ACOX1: variants seen among roughly 807,000 people sequenced by gnomAD.
The protein encoded by ACOX1 is acyl-CoA oxidase 1, also known as peroxisomal acyl-coenzyme A oxidase 1.
ACOX1 carries 41 observed loss-of-function variants against 75.5 expected under a neutral mutation model. The ratio of observed to expected loss-of-function variants is 0.54; its 90% CI spans 0.42 to 0.70. ACOX1 has a LOEUF of 0.70. ACOX1 is among the 30% of genes least tolerant of loss of function. The probability of loss-of-function intolerance (pLI) is 0.00; values close to 1 mark genes in which losing one functional copy is unlikely to be tolerated. For missense variants in ACOX1, 630 were observed against 837.5 expected, an observed-to-expected ratio of 0.75 and a Z score of 3.06; for synonymous variants, 303 against 298.8, an observed-to-expected ratio of 1.01 and a Z score of -0.15.
Position 75,978,512 on chromosome 17 carries a change from CTCTGT to C in ACOX1, c.269+17_269+21del. 3.1e-6 allele frequency: 5 copies of C among 1,614,156 alleles called. No homozygotes were observed. Among genetic ancestry groups the C allele is most frequent in the Non-Finnish European group, 4.2e-6 (5 of 1,180,012 alleles). On this transcript the variant is annotated intron_variant, in intron 2 of 13. Coordinates refer to ENST00000293217, the MANE Select transcript of ACOX1 (RefSeq NM_004035.7). This position sits in a 1 kb window ranked among gnomAD's most constrained non-coding sequence, Gnocchi z 4.2. ...TAAAGTTTAGGCTTAACAACACTTGCTCTGTTCTAAGGCATACCTACTTTTTAAAC... is the reference window on the plus strand; with the variant it reads ...TAAAGTTTAGGCTTAACAACACTTGCTCTAAGGCATACCTACTTTTTAAAC...
chr17:75,949,372 A>G lies in ACOX1; in HGVS notation c.1585-12T>C. 1 of 1,614,178 alleles carries G rather than the reference A, an allele frequency of 6.2e-7. No individual in the cohort carries two copies. Among genetic ancestry groups the G allele is most frequent in the Non-Finnish European group, 8.5e-7 (1 of 1,180,034 alleles). On this transcript the variant is annotated splice_polypyrimidine_tract_variant and intron_variant, in intron 11 of 13. Transcript: ENST00000293217. ...TAGTGGCAATGTGCCTAAGATTAAA[A>G]AGAAAACACCAGAGTTTGAGAACCT...
rs1555619951 is a variant in ACOX1 at position 75,975,070 on chromosome 17, A to AAAAG, written c.269+3460_269+3463dup. Among the ~76,000 whole-genome samples the AAAAG allele has an allele frequency of 5.7e-3, 833 of 145,020 alleles. 3 individuals are homozygous for AAAAG. The highest frequency in any genetic ancestry group is 0.014 in the East Asian group (66 of 4,640). On this transcript the variant is annotated intron_variant, in intron 2 of 13. Transcript: ENST00000293217. ...GTCTCCAAAAAAAAAAAAAAAAAAAAAAAGAAAGAAAGAAAGAAATAATAG... is the reference window on the plus strand; with the variant it reads ...GTCTCCAAAAAAAAAAAAAAAAAAAAAAAGAAAGAAAGAAAGAAAGAAATAATAG...
At position 75,949,728 on chromosome 17, in the gene ACOX1, G is replaced by C. The variant is rs143601596; in HGVS notation, c.1468C>G (p.Arg490Gly). The change falls in exon 10 of 14, where the codon CGT becomes GGT. Residue 490 changes from arginine to glycine, a missense_variant. Physicochemically the swap from Arg to Gly is moderately radical, Grantham distance 125. Around this residue, in one of 2 missense-constraint regions of ACOX1, gnomAD observed 240 missense variants for 262.7 expected, o/e 0.91. Transcript: ENST00000293217. ...PESLTEAYKL[R>G]AARLVEIAAK... ...TGAGGGAGAGCTCACCTGGCTGCACGGAGTTTATATGCTTCGGTTAGGCTT... is the reference window on the plus strand; with the variant it reads ...TGAGGGAGAGCTCACCTGGCTGCACCGAGTTTATATGCTTCGGTTAGGCTT... The C allele has an allele frequency of 5.2e-5, 84 of 1,614,130 alleles. No homozygotes were observed. In the African/African-American group the frequency reaches 9.5e-4, roughly 18 times the overall value.
chr17:75,958,697 A>G (rs1459477344), intron 3 of ACOX1, among the ~76,000 whole-genome samples: 1 of 151,298 alleles, frequency 6.6e-6, no homozygotes, highest in East Asian at 2.0e-4. Context: ...AGTCCCAGCT[A>G]CTCGGGAGGC....
rs9896719 is a variant in ACOX1 at position 75,958,591 on chromosome 17, A to G, written c.431-1025T>C. ...TGGGGGGCCAAGGCGGGCGGATCAC[A>G]AAGTCAGGAGATCGAGACCATCCTG... On this transcript the variant is annotated intron_variant, in intron 3 of 13. Coordinates refer to ENST00000293217, the MANE Select transcript of ACOX1 (RefSeq NM_004035.7). Among the ~76,000 whole-genome samples the G allele has an allele frequency of 3.7e-3, 544 of 146,740 alleles. 10 individuals are homozygous for G. Among genetic ancestry groups the G allele is most frequent in the South Asian group, 0.015 (74 of 4,780 alleles).
chr17:75,958,629 A>G (rs2065858733), intron 3 of ACOX1, among the ~76,000 whole-genome samples: 1 of 151,824 alleles, frequency 6.6e-6, no homozygotes, highest in Admixed American at 6.6e-5. Context: ...TAACACGGCG[A>G]AACCCCGTCT....
In ACOX1 at chr17:75,950,188, A is replaced by C. The variant is rs1191111143; in HGVS notation, c.1299-291T>G. 6.6e-6 allele frequency among the ~76,000 whole-genome samples: 1 copy of C among 151,694 alleles called. No individual in the cohort carries two copies. The highest frequency in any genetic ancestry group is 2.4e-5 in the African/African-American group (1 of 41,234). On this transcript the variant is annotated intron_variant, in intron 9 of 13. Transcript: ENST00000293217. The surrounding 1 kb of genome is among the most constrained non-coding windows in gnomAD (Gnocchi z 4.3). Reference sequence around the variant, plus strand: ...GCTGGTCTCTTAACTCCTGACCTCAAGTGATCTACCCGGCTTGGCGTCCCA... The same window carrying C: ...GCTGGTCTCTTAACTCCTGACCTCACGTGATCTACCCGGCTTGGCGTCCCA...
chr17:75,948,874 T>C (rs1335439143), intron 12 of ACOX1, among the ~76,000 whole-genome samples: 1 of 150,416 alleles, frequency 6.6e-6, no homozygotes, highest in Non-Finnish European at 1.5e-5. Flanking sequence ...TTTTTTTTTT[T>C]TTTGAGACAG....
At chr17:75,955,410 C>T (rs1223834856) in intron 6 of ACOX1, among the ~76,000 whole-genome samples, 156 bp downstream of exon 6, 1 of 151,464 alleles carries the variant, frequency 6.6e-6, no homozygotes, top group African/African-American at 2.4e-5. Flanking sequence ...GTCATCCACG[C>T]ACTCAGCCTC....
rs561945963 is a variant in ACOX1 at position 75,952,830 on chromosome 17, C to CAAA, written c.944+618_944+620dup. Among the ~76,000 whole-genome samples the CAAA allele has an allele frequency of 1.5e-3, 111 of 75,142 alleles. 1 individual carries two copies. Among genetic ancestry groups the CAAA allele is most frequent in the African/African-American group, 4.3e-3 (102 of 23,590 alleles). The allele number at this position is 75,142 out of a possible 152,430, so 49.3% of individuals were successfully genotyped here. On this transcript the variant is annotated intron_variant, in intron 7 of 13. Transcript: ENST00000293217. The stretch of plus-strand genomic sequence containing the variant: ...TGGGCAACAGAGTGAGAATCCATCT[C>CAAA]AAAAAAAAAAAAAAAAGAAAAGAAA...
chr17:75,952,650 C>T (rs1333067898), intron 7 of ACOX1, among the ~76,000 whole-genome samples: 1 of 151,406 alleles, frequency 6.6e-6, no homozygotes, highest in Non-Finnish European at 1.5e-5. Context: ...GCCAACATGG[C>T]GAAATTCCGT....
rs565509028 is a variant in ACOX1, at chr17:75,968,006, T to C, written c.270-7631A>G. ...CACCCACTTCGGCCTCCCAAAGTGC[T>C]GGGATTACAGGCGAGAGCCATTGCA... On this transcript the variant is annotated intron_variant, in intron 2 of 13. Transcript: ENST00000293217. Among the ~76,000 whole-genome samples the C allele has an allele frequency of 4.0e-5, 6 of 151,174 alleles. No homozygotes were observed. In the East Asian group the frequency reaches 1.2e-3, roughly 30 times the overall value.
At chr17:75,971,693 G>A (rs2144309715) in intron 2 of ACOX1, among the ~76,000 whole-genome samples, 1 of 147,356 alleles carries the variant, frequency 6.8e-6, no homozygotes, top group Non-Finnish European at 1.5e-5. Context: ...AGTGAGCTGA[G>A]ATCACTCCAC....
chr17:75,979,054 C>T lies in ACOX1; in HGVS notation c.20G>A (p.Arg7Lys). 1 of 1,612,192 alleles carries T rather than the reference C, an allele frequency of 6.2e-7. No homozygotes were observed. The highest frequency in any genetic ancestry group is 8.5e-7 in the Non-Finnish European group (1 of 1,179,998). Residue 7 changes from arginine to lysine, a missense_variant, in exon 1 of 14, where the codon AGG (arginine) becomes AAG (lysine). By Grantham distance (26) the Arg-to-Lys change is conservative. Transcript: ENST00000293217. MNPDLR[R>K]ERDSASFNPE... ...GTTGAAGCTGGCGGAATCCCGCTCCCTGCGCAGGTCCGGGTTCATGGCGAC... is the reference window on the plus strand; with the variant it reads ...GTTGAAGCTGGCGGAATCCCGCTCCTTGCGCAGGTCCGGGTTCATGGCGAC...
intron 2 of ACOX1, among the ~76,000 whole-genome samples, chr17:75,970,834 G>A (rs2065987395): frequency 6.6e-6 from 1 of 152,172 alleles, no homozygotes; most frequent in Non-Finnish European, 1.5e-5. Flanking sequence ...AAACCGTCAC[G>A]TGATGCAAAT....
At position 75,955,647 on chromosome 17, in the gene ACOX1, A is replaced by C; in HGVS notation, c.693T>G (p.Gly231=). The stretch of plus-strand genomic sequence containing the variant: ...GGTAGCCATTGTCTATCTCATCATA[A>C]CCAAATTTGGGGCCGATGTCACCAA... ...ITVGDIGPKF[G]YDEIDNGYLK... Residue 231 remains glycine (G), a synonymous_variant, in exon 6 of 14, where the codon GGT becomes GGG. Coordinates refer to ENST00000293217, the MANE Select transcript of ACOX1 (RefSeq NM_004035.7). 1.2e-6 allele frequency: 2 copies of C among 1,614,138 alleles called. No individual in the cohort carries two copies. Among genetic ancestry groups the C allele is most frequent in the Non-Finnish European group, 1.7e-6 (2 of 1,180,020 alleles).
At chr17:75,974,860 CAT>C (rs2066030441) in intron 2 of ACOX1, among the ~76,000 whole-genome samples, 1 of 151,624 alleles carries the variant, frequency 6.6e-6, no homozygotes, top group South Asian at 2.1e-4. Context: ...TCCTGGCTAA[CAT>C]GGTGAAACCC....
intron 2 of ACOX1, among the ~76,000 whole-genome samples, chr17:75,962,989 G>A (rs1393301971): frequency 2.0e-5 from 3 of 152,104 alleles, no homozygotes; most frequent in Non-Finnish European, 4.4e-5. Context: ...AAACTAGCTG[G>A]GCGTGGTGGT....
intron 3 of ACOX1, among the ~76,000 whole-genome samples, chr17:75,959,063 G>C (rs1350818009): frequency 1.3e-5 from 2 of 152,116 alleles, no homozygotes. Flanking sequence ...TTTGAAAAGA[G>C]TCATAGAAAA....
Sources: gnomAD v4.1 joint callset for allele counts (sites outside exome capture counted in the v4.1 genomes callset) on GRCh38, gnomAD v4.1.1 for gene constraint, gnomAD v4.1.1 regional missense constraint, Gnocchi (gnomAD v3.1) non-coding constraint, MANE v1.5 for transcripts, NCBI Gene and HGNC (gene_info 2026-07-23, HGNC 2026-07-21) for gene names.